Variants in TFAP2A observed in about 807,000 individuals in gnomAD.
TFAP2A encodes the protein transcription factor AP-2 alpha.
Under a neutral mutation model 41.5 loss-of-function variants are expected in TFAP2A, and 7 were observed. The observed-to-expected ratio is 0.17, with a 90% CI of 0.10 to 0.32. The LOEUF is 0.32. Ranked by LOEUF, TFAP2A falls within the 10% of genes least tolerant of loss-of-function variation. The pLI is 1.00. For synonymous variants in TFAP2A, 247 were observed against 242.8 expected, an observed-to-expected ratio of 1.02 and a Z score of -0.16; for missense variants, 416 against 563.3, an observed-to-expected ratio of 0.74 and a Z score of 2.65.
At chr6:10,406,124 C>A in intron 3 of TFAP2A, 1 of 152,340 alleles carries the variant, frequency 6.6e-6, no homozygotes, top group Non-Finnish European at 1.5e-5. Context: ...AAGCTGCTAC[C>A]AAGAGTGAAT....
intron 5 of TFAP2A, 57 bp from the exon 6 acceptor site, chr6:10,400,646 A>G (rs1761973146): frequency 1.3e-6 from 2 of 1,592,118 alleles, no homozygotes; most frequent in South Asian, 2.2e-5. Context: ...GGGGATCCTA[A>G]CTTCCTCCCC....
upstream of TFAP2A, chr6:10,415,309 C>T (rs529414462): frequency 7.4e-7 from 1 of 1,351,498 alleles, no homozygotes; most frequent in South Asian, 1.5e-5. Flanking sequence ...AGCCTAATCG[C>T]CTCATTAGCA....
Position 10,398,213 on chromosome 6 carries a change from G to C in TFAP2A, c.*204C>G. 4 of 1,473,156 alleles carry C rather than the reference G, an allele frequency of 2.7e-6. No homozygotes were observed. The South Asian group carries it at 5.4e-5, about 20-fold the overall frequency. 91.3% of individuals were successfully genotyped at this position (1,473,156 alleles called of 1,614,324 possible). A position where few individuals can be genotyped will look rare whatever the true frequency, so the allele number is the denominator to read the frequency against. The stretch of plus-strand genomic sequence containing the variant: ...GTGGGGAGGTCGAGGCGGGTGCAGA[G>C]TCGGAGAGGCTGCCCCACTGACAGT... On this transcript the variant is annotated 3_prime_UTR_variant, in exon 7 of 7. Transcript: ENST00000379613. The surrounding 1 kb of genome is among the most constrained non-coding windows in gnomAD (Gnocchi z 5.3).
rs1761847207 is a variant in TFAP2A at position 10,398,067 on chromosome 6, G to A, written c.*350C>T. 1.7e-6 allele frequency: 2 copies of A among 1,150,520 alleles called. No individual in the cohort carries two copies. Among genetic ancestry groups the A allele is most frequent in the Admixed American group, 4.5e-5 (1 of 22,082 alleles). The allele number at this position is 1,150,520 out of a possible 1,614,324, so 71.3% of individuals were successfully genotyped here. ...TTTTGTTGTTGTTGTTGCTGTTGTT[G>A]ATTTGTTGTTTTGTTTAAAAAAAAA... is the stretch of plus-strand genomic sequence containing the variant. On this transcript the variant is annotated 3_prime_UTR_variant, in exon 7 of 7. Transcript: ENST00000379613. This position sits in a 1 kb window ranked among gnomAD's most constrained non-coding sequence, Gnocchi z 5.3.
chr6:10,410,383 A>G, intron 1 of TFAP2A, 48 bp from the exon 2 acceptor site: 1 of 1,539,398 alleles, frequency 6.5e-7, no homozygotes, highest in Non-Finnish European at 8.8e-7. Flanking sequence ...TCAGGCGTCG[A>G]GCTACAACTA....
intron 2 of TFAP2A, chr6:10,407,062 A>C: frequency 1.7e-6 from 1 of 589,436 alleles, no homozygotes; most frequent in Non-Finnish European, 3.0e-6. Flanking sequence ...CTCCTCCTCC[A>C]GCAAATAATC....
chr6:10,401,561 A>C (rs1762007389), intron 5 of TFAP2A, among the ~76,000 whole-genome samples: 1 of 152,278 alleles, frequency 6.6e-6, no homozygotes, highest in Non-Finnish European at 1.5e-5. Flanking sequence ...GCCAGAACTT[A>C]AATTCAATTG....
intron 1 of TFAP2A, among the ~76,000 whole-genome samples, chr6:10,414,160 C>G (rs773957093): frequency 3.3e-5 from 5 of 152,242 alleles, no homozygotes; most frequent in Non-Finnish European, 4.4e-5. Context: ...TTCCCACGGT[C>G]GTTCTGGGCT....
At chr6:10,400,786 C>T in intron 5 of TFAP2A, 197 bp from the exon 6 acceptor site, 1 of 733,108 alleles carries the variant, frequency 1.4e-6, no homozygotes, top group Non-Finnish European at 2.4e-6. Flanking sequence ...AAAATGACCA[C>T]TTCTCCTAGA....
chr6:10,404,810 C>G, intron 3 of TFAP2A, 71 bp from the exon 4 acceptor site: 1 of 1,419,336 alleles, frequency 7.0e-7, no homozygotes, highest in East Asian at 2.3e-5. Context: ...GACCCCGGCC[C>G]TCATCCCGGC....
intron 2 of TFAP2A, chr6:10,407,522 G>C (rs1199016729): frequency 6.4e-5 from 9 of 139,738 alleles, no homozygotes; most frequent in African/African-American, 1.8e-4. Context: ...TTTTTTTACA[G>C]ATGGATGGGT....
rs563344990 is a variant in TFAP2A at position 10,398,359 on chromosome 6, G to A, written c.*58C>T. The A allele has an allele frequency of 1.8e-4, 283 of 1,609,832 alleles. No homozygotes were observed. Among genetic ancestry groups the A allele is most frequent in the Non-Finnish European group, 2.1e-4 (248 of 1,178,686 alleles). On this transcript the variant is annotated 3_prime_UTR_variant, in exon 7 of 7. Coordinates refer to ENST00000379613, the MANE Select transcript of TFAP2A (RefSeq NM_001372066.1). The surrounding 1 kb of genome is among the most constrained non-coding windows in gnomAD (Gnocchi z 5.3). ...CTGATCCCGGAGCTGTCACCCGCCG[G>A]AGGGTGGGCGCGCGGGGGGCTGGTG...
At chr6:10,408,586 ACT>A (rs1038931340) in intron 2 of TFAP2A, among the ~76,000 whole-genome samples, 1 of 152,238 alleles carries the variant, frequency 6.6e-6, no homozygotes, top group Admixed American at 6.5e-5. Context: ...AAAAAAATGC[ACT>A]GTTAAGTATC....
At chr6:10,404,450 A>C (rs1295281592) in intron 4 of TFAP2A, 58 bp downstream of exon 4, 16 of 1,276,902 alleles carry the variant, frequency 1.3e-5, no homozygotes, top group Non-Finnish European at 1.6e-5. Context: ...GCCCCGGCGC[A>C]AGCGCAGTGG....
Position 10,404,488 on chromosome 6 carries a change from G to GGGGCC in TFAP2A, c.770+15_770+19dup. ...CCCCCGGCCGCGGGGCGGGGCGGGCGGGGCCGTGCCGGGCCTCACCTCCGG... is the reference window on the plus strand; with the variant it reads ...CCCCCGGCCGCGGGGCGGGGCGGGCGGGGCCGGGCCGTGCCGGGCCTCACCTCCGG... On this transcript the variant is annotated intron_variant, in intron 4 of 6. Coordinates refer to ENST00000379613, the MANE Select transcript of TFAP2A (RefSeq NM_001372066.1). 1 of 1,533,146 alleles carries GGGGCC rather than the reference G, an allele frequency of 6.5e-7. No homozygotes were observed. Among genetic ancestry groups the GGGGCC allele is most frequent in the Non-Finnish European group, 8.8e-7 (1 of 1,139,484 alleles). The allele number at this position is 1,533,146 out of a possible 1,614,324, so 95.0% of individuals were successfully genotyped here.
chr6:10,411,546 A>G, intron 1 of TFAP2A: 1 of 1,583,800 alleles, frequency 6.3e-7, no homozygotes, highest in Non-Finnish European at 8.6e-7. Context: ...AAGAAACAGC[A>G]ACGGGGGTGG....
chr6:10,419,243 C>T (rs303055), upstream of TFAP2A, among the ~76,000 whole-genome samples: 93,184 of 152,060 alleles, frequency 0.61, 29,733 homozygotes, highest in African/African-American at 0.79. Flanking sequence ...CTGCCTGCGC[C>T]CGTTTTTCCT....
At chr6:10,419,330 G>C (rs368545391), upstream of TFAP2A, 2 of 1,512,178 alleles carry the variant, frequency 1.3e-6, no homozygotes. Context: ...CCTGGGCCAC[G>C]GCGCTTCCTC....
upstream of TFAP2A, chr6:10,415,165 A>G (rs940006820): frequency 1.4e-4 from 205 of 1,509,326 alleles, no homozygotes; most frequent in Non-Finnish European, 1.7e-4. Context: ...GAGGAGGAGG[A>G]AGAGGAGGGC....
Sources: allele counts gnomAD v4.1 joint callset (sites outside exome capture counted in the v4.1 genomes callset), GRCh38; gene constraint gnomAD v4.1.1; non-coding constraint Gnocchi (gnomAD v3.1); transcripts MANE v1.5; gene names NCBI Gene and HGNC (gene_info 2026-07-23, HGNC 2026-07-21).